RTL1: variants seen among roughly 807,000 people sequenced by gnomAD.
The protein encoded by RTL1 is retrotransposon Gag like 1.
For synonymous variants in RTL1, 727 were observed against 748.4 expected (o/e 0.97, Z 0.47); for missense variants, 1,681 against 1,767.5 (o/e 0.95, Z 0.88).
chr14:100,889,259 AC>A (rs1251445236), intron 3 of RTL1, among the ~76,000 whole-genome samples: 2 of 152,184 alleles, frequency 1.3e-5, no homozygotes, highest in Non-Finnish European at 1.5e-5. Context: ...TTAGCAAGGC[AC>A]CCACTTTTAA....
intron 2 of RTL1, among the ~76,000 whole-genome samples, chr14:100,898,402 C>T (rs1015983412): frequency 6.6e-6 from 1 of 152,138 alleles, no homozygotes; most frequent in Non-Finnish European, 1.5e-5. Context: ...GTTCCTTTAC[C>T]CCAGCTTCTT....
intron 2 of RTL1, among the ~76,000 whole-genome samples, chr14:100,900,373 C>T (rs1003457190): frequency 1.2e-4 from 18 of 152,200 alleles, no homozygotes; most frequent in Non-Finnish European, 2.5e-4. Flanking sequence ...CAAAAGGGAA[C>T]CTCCTCGGCC....
intron 2 of RTL1, among the ~76,000 whole-genome samples, chr14:100,902,626 C>T (rs1025654553): frequency 1.3e-5 from 2 of 152,176 alleles, no homozygotes; most frequent in Admixed American, 1.3e-4. Context: ...GCAGCAGCAG[C>T]AGCAGCAGTA....
intron 2 of RTL1, among the ~76,000 whole-genome samples, chr14:100,894,080 C>T (rs1011839716): frequency 6.6e-6 from 1 of 152,116 alleles, no homozygotes; most frequent in African/African-American, 2.4e-5. Context: ...GTGGCTGAGG[C>T]AGGCAGAGCA....
chr14:100,895,495 C>T (rs1198439220), intron 2 of RTL1, among the ~76,000 whole-genome samples: 1 of 152,068 alleles, frequency 6.6e-6, no homozygotes, highest in Non-Finnish European at 1.5e-5. Context: ...GTAGAAAAGG[C>T]ACTTATTTTA....
At position 100,880,132 on chromosome 14, in the gene RTL1, G is replaced by A. The variant is rs1485410016; in HGVS notation, c.*580C>T. ...AAAAGCTGAAGCAGATGTGGTGGGGGTGGGGGTGGGTTTGCTTGCAGGGTG... is the reference window on the plus strand; with the variant it reads ...AAAAGCTGAAGCAGATGTGGTGGGGATGGGGGTGGGTTTGCTTGCAGGGTG... On this transcript the variant is annotated 3_prime_UTR_variant, in exon 4 of 4. Transcript: ENST00000649591. Among the ~76,000 whole-genome samples, 1 of 148,908 alleles carries A rather than the reference G, an allele frequency of 6.7e-6. No homozygotes were observed. The highest frequency in any genetic ancestry group is 6.7e-5 in the Admixed American group (1 of 14,934).
Position 100,884,048 on chromosome 14 carries a change from G to A in RTL1, c.741C>T (p.Gly247=). ...RVGYVINHLS[G]LALEWAKALL... ...GAGCTTTGGCCCATTCTAATGCCAA[G>A]CCGGACAGGTGATTGATGACATAGC... Residue 247 remains glycine, a synonymous_variant, in exon 4 of 4, where the codon GGC becomes GGT. Transcript: ENST00000649591. The A allele has an allele frequency of 6.4e-7, 1 of 1,551,734 alleles. No individual in the cohort carries two copies. Among genetic ancestry groups the A allele is most frequent in the Admixed American group, 2.0e-5 (1 of 51,016 alleles).
chr14:100,886,686 T>G (rs2038701468), intron 3 of RTL1, among the ~76,000 whole-genome samples: 1 of 151,722 alleles, frequency 6.6e-6, no homozygotes, highest in African/African-American at 2.4e-5. Flanking sequence ...ACTGTAAAAT[T>G]CCAAACCTCT....
chr14:100,880,383 G>GGCCA lies in RTL1; in HGVS notation c.*325_*328dup, dbSNP rs1328953375. ...GCCTGCTGTGCCTGCTTCTTCATCTGGCCACGCGTCATGGGGTCACTTCCT... is the reference window on the plus strand; with the variant it reads ...GCCTGCTGTGCCTGCTTCTTCATCTGGCCAGCCACGCGTCATGGGGTCACTTCCT... On this transcript the variant is annotated 3_prime_UTR_variant, in exon 4 of 4. Coordinates refer to ENST00000649591, the MANE Select transcript of RTL1 (RefSeq NM_001134888.3). Among the ~76,000 whole-genome samples the GGCCA allele has an allele frequency of 6.6e-6, 1 of 152,108 alleles. No homozygotes were observed. Among genetic ancestry groups the GGCCA allele is most frequent in the Non-Finnish European group, 1.5e-5 (1 of 67,998 alleles).
Position 100,881,019 on chromosome 14 carries a change from T to A in RTL1, c.3770A>T (p.Gln1257Leu). 1.9e-6 allele frequency: 3 copies of A among 1,591,092 alleles called. No homozygotes were observed. The highest frequency in any genetic ancestry group is 1.7e-6 in the Non-Finnish European group (2 of 1,168,972). The change falls in exon 4 of 4, where the codon CAG becomes CTG. Residue 1257 changes from glutamine (Q) to leucine (L), a missense_variant. Coordinates refer to ENST00000649591, the MANE Select transcript of RTL1 (RefSeq NM_001134888.3). This position sits in a 1 kb window ranked among gnomAD's most constrained non-coding sequence, Gnocchi z 6.6. ...CTGCACGTCGTTGTCCTGCTTGTCC[T>A]GCGAGGTGTCTTGCAGGCCGTCATG... ...GLHDGLQDTS[Q>L]DKQDNDVQEA...
chr14:100,896,866 T>C (rs2038864035), intron 2 of RTL1, among the ~76,000 whole-genome samples: 1 of 152,140 alleles, frequency 6.6e-6, no homozygotes, highest in Non-Finnish European at 1.5e-5. Flanking sequence ...GGGCCGCAGC[T>C]CTCTAGAGGT....
chr14:100,896,100 A>C (rs946480875), intron 2 of RTL1, among the ~76,000 whole-genome samples: 1 of 152,004 alleles, frequency 6.6e-6, no homozygotes, highest in Non-Finnish European at 1.5e-5. Context: ...AAAAATTGCA[A>C]AACTATAGCA....
At chr14:100,896,077 A>AT (rs2038851566) in intron 2 of RTL1, among the ~76,000 whole-genome samples, 1 of 152,098 alleles carries the variant, frequency 6.6e-6, no homozygotes, top group Non-Finnish European at 1.5e-5. Context: ...TCTCAAAAAA[A>AT]AAAAAAAGAA....
chr14:100,902,550 C>T (rs1228947889), intron 2 of RTL1, among the ~76,000 whole-genome samples: 2 of 152,324 alleles, frequency 1.3e-5, no homozygotes, highest in East Asian at 1.9e-4. Context: ...TGTATGCAGC[C>T]CCCTGCCTTT....
In RTL1 at chr14:100,880,858, G is replaced by T. The variant is rs530589243; in HGVS notation, c.3931C>A (p.Arg1311=). The T allele has an allele frequency of 5.2e-6, 8 of 1,550,378 alleles. No individual in the cohort carries two copies. The East Asian group carries it at 1.5e-4, about 28-fold the overall frequency. The change falls in exon 4 of 4, where the codon CGG becomes AGG. Residue 1311 remains arginine, a synonymous_variant. Coordinates refer to ENST00000649591, the MANE Select transcript of RTL1 (RefSeq NM_001134888.3). The stretch of plus-strand genomic sequence containing the variant: ...CTCAGGGCCCTGGCTGCCTGCTCCC[G>T]GCTGAGCAGGTGCAGCTGGCCATCT... ...SADGQLHLLS[R]EQAARALSQF...
rs775059932 is a variant in RTL1 at position 100,884,757 on chromosome 14, G to A, written c.32C>T (p.Thr11Met). The part of the protein sequence containing the change: MIEPSEDSFE[T>M]MMEHKNPSSK... The stretch of plus-strand genomic sequence containing the variant: ...TGATGGATTCTTATGCTCCATCATC[G>A]TCTCAAATGAGTCTTCAGAGGGTTC... Residue 11 changes from threonine (T) to methionine (M), a missense_variant, in exon 4 of 4, where the codon ACG becomes ATG. By Grantham distance (81) the Thr-to-Met change is moderately conservative. Coordinates refer to ENST00000649591, the MANE Select transcript of RTL1 (RefSeq NM_001134888.3). 29 of 1,592,104 alleles carry A rather than the reference G, an allele frequency of 1.8e-5. No homozygotes were observed. The highest frequency in any genetic ancestry group is 1.7e-4 in the Middle Eastern group (1 of 5,932).
chr14:100,886,663 G>T (rs1048623858), intron 3 of RTL1, among the ~76,000 whole-genome samples: 4 of 151,760 alleles, frequency 2.6e-5, no homozygotes, highest in Non-Finnish European at 5.9e-5. Context: ...AGTCCTCTGA[G>T]ATATGCATTA....
rs890613867 is a variant in RTL1, at chr14:100,883,509, G to C, written c.1280C>G (p.Ala427Gly). The C allele has an allele frequency of 1.3e-6, 2 of 1,551,400 alleles. No homozygotes were observed. Residue 427 changes from alanine (A) to glycine (G), a missense_variant, in exon 4 of 4, where the codon GCC (alanine) becomes GGC (glycine). Transcript: ENST00000649591. This position sits in a 1 kb window ranked among gnomAD's most constrained non-coding sequence, Gnocchi z 5.9. Reference sequence around the variant, plus strand: ...GCCGTCAGCTCCCGAATCCACCAGGGCCTGGACCGCGACGCTGTGGTAGGG... The same window carrying C: ...GCCGTCAGCTCCCGAATCCACCAGGCCCTGGACCGCGACGCTGTGGTAGGG... ...VNPYHSVAVQ[A>G]LVDSGADGNF...
In RTL1 at chr14:100,887,611, G is replaced by A. The variant is rs1171106159; in HGVS notation, c.-86-2737C>T. On this transcript the variant is annotated intron_variant, in intron 3 of 3. Coordinates refer to ENST00000649591, the MANE Select transcript of RTL1 (RefSeq NM_001134888.3). ...TCTACTAAAAATACAAAAATTAGCC[G>A]GGAGTAGTGGCTCATGCCCGTAATC... Among the ~76,000 whole-genome samples the A allele has an allele frequency of 4.0e-5, 6 of 151,108 alleles. No individual in the cohort carries two copies. The South Asian group carries it at 8.4e-4, about 21-fold the overall frequency.
Sources: allele counts gnomAD v4.1 joint callset (sites outside exome capture counted in the v4.1 genomes callset), GRCh38; gene constraint gnomAD v4.1.1; non-coding constraint Gnocchi (gnomAD v3.1); transcripts MANE v1.5; gene names NCBI Gene and HGNC (gene_info 2026-07-23, HGNC 2026-07-21).